MOCOS: variants seen among roughly 807,000 people sequenced by gnomAD.
The protein encoded by MOCOS is human molybdenum cofactor sulfurase.
MOCOS carries 86 observed loss-of-function variants against 83.6 expected under a neutral mutation model. The ratio of observed to expected loss-of-function variants is 1.03; its 90% CI spans 0.86 to 1.23. MOCOS has a LOEUF of 1.23. Ranked by LOEUF, MOCOS falls within the 50% of genes most tolerant of loss-of-function variation. MOCOS has a pLI of 0.00. For synonymous variants in MOCOS, 445 were observed against 434.7 expected (o/e 1.02, Z -0.29); for missense variants, 1,120 against 1,126.9 (o/e 0.99, Z 0.09).
At chr18:36,245,903 T>C (rs554884520) in intron 9 of MOCOS, among the ~76,000 whole-genome samples, 3 of 152,312 alleles carry the variant, frequency 2.0e-5, no homozygotes, top group African/African-American at 7.2e-5. Flanking sequence ...TCTTCTACTT[T>C]TTCAATACTA....
At chr18:36,194,187 G>T (rs2091377714) in intron 1 of MOCOS, among the ~76,000 whole-genome samples, 1 of 104,260 alleles carries the variant, frequency 9.6e-6, no homozygotes, top group Non-Finnish European at 1.9e-5. Context: ...TTTTGGGAAT[G>T]AATGAAAATA....
At position 36,257,033 on chromosome 18, in the gene MOCOS, A is replaced by C; in HGVS notation, c.2230A>C (p.Thr744Pro). Residue 744 changes from threonine to proline, a missense_variant, in exon 12 of 15, where the codon ACA (threonine) becomes CCA (proline). Thr to Pro is a conservative substitution (Grantham distance 38). Coordinates refer to ENST00000261326, the MANE Select transcript of MOCOS (RefSeq NM_017947.4). ...VNEAQYLLIN[T>P]SSILELHRQL... Reference sequence around the variant, plus strand: ...TGAGGCACAGTATCTGCTGATCAACACATCCAGTATTTTGGAACTTCACCG... The same window carrying C: ...TGAGGCACAGTATCTGCTGATCAACCCATCCAGTATTTTGGAACTTCACCG... The C allele has an allele frequency of 6.2e-7, 1 of 1,614,124 alleles. No homozygotes were observed. The highest frequency in any genetic ancestry group is 8.5e-7 in the Non-Finnish European group (1 of 1,179,990).
At chr18:36,234,042 C>T (rs1339140053) in intron 9 of MOCOS, among the ~76,000 whole-genome samples, 1 of 152,022 alleles carries the variant, frequency 6.6e-6, no homozygotes, top group African/African-American at 2.4e-5. Flanking sequence ...TAAATTAGGT[C>T]CCATCTATTT....
chr18:36,232,726 G>T (rs1184341243), intron 9 of MOCOS, among the ~76,000 whole-genome samples: 1 of 152,022 alleles, frequency 6.6e-6, no homozygotes, highest in African/African-American at 2.4e-5. Context: ...TCCCACATAT[G>T]AGTGAGAACA....
At chr18:36,202,316 C>T (rs1353063116) in intron 4 of MOCOS, among the ~76,000 whole-genome samples, 1 of 152,120 alleles carries the variant, frequency 6.6e-6, no homozygotes, top group East Asian at 1.9e-4. Flanking sequence ...CAATAACTGG[C>T]TAGTTTAACA....
chr18:36,200,391 A>G, intron 4 of MOCOS, 67 bp downstream of exon 4: 2 of 1,585,326 alleles, frequency 1.3e-6, no homozygotes, highest in South Asian at 1.1e-5. Flanking sequence ...TTTCTCCTGG[A>G]GGATTATGCA....
intron 9 of MOCOS, among the ~76,000 whole-genome samples, chr18:36,237,729 G>C (rs1178192246): frequency 0.016 from 2,425 of 151,082 alleles, 61 homozygotes; most frequent in African/African-American, 0.054. Flanking sequence ...CCTTGTACCT[G>C]TGGTAGAATT....
At chr18:36,257,293 T>C (rs1380653870) in intron 12 of MOCOS, among the ~76,000 whole-genome samples, 2 of 152,146 alleles carry the variant, frequency 1.3e-5, no homozygotes, top group Non-Finnish European at 2.9e-5. Flanking sequence ...AAGATCCTTT[T>C]TGATATCCTC....
At chr18:36,197,862 T>A (rs2091395767) in intron 2 of MOCOS, among the ~76,000 whole-genome samples, 1 of 152,230 alleles carries the variant, frequency 6.6e-6, no homozygotes, top group Non-Finnish European at 1.5e-5. Flanking sequence ...GTTAGATGTT[T>A]TCATTCCCCT....
intron 3 of MOCOS, among the ~76,000 whole-genome samples, chr18:36,199,413 A>G (rs1448619397): frequency 6.6e-6 from 1 of 152,234 alleles, no homozygotes; most frequent in African/African-American, 2.4e-5. Context: ...AAGGAGAGAA[A>G]GTAGTATCAA....
chr18:36,246,020 C>G (rs912467566), intron 9 of MOCOS, among the ~76,000 whole-genome samples: 1 of 152,026 alleles, frequency 6.6e-6, no homozygotes, highest in African/African-American at 2.4e-5. Flanking sequence ...GAGACTTTTT[C>G]ATCCATATCC....
chr18:36,199,765 G>T lies in MOCOS; in HGVS notation c.382G>T (p.Ala128Ser), dbSNP rs773843281. 1 of 1,614,182 alleles carries T rather than the reference G, an allele frequency of 6.2e-7. No individual in the cohort carries two copies. Among genetic ancestry groups the T allele is most frequent in the Admixed American group, 1.7e-5 (1 of 60,026 alleles). The change falls in exon 4 of 15, where the codon GCA becomes TCA. Residue 128 changes from alanine (A) to serine (S), a missense_variant. Transcript: ENST00000261326. ...AGSTAALKLV[A>S]EAFPWVSQGP... is the part of the protein sequence containing the mutation. ...GAGCACGGCTGCTCTCAAACTGGTG[G>T]CAGAGGCCTTTCCATGGGTGTCCCA... is the stretch of plus-strand genomic sequence containing the variant.
chr18:36,253,842 G>A (rs1311286034), intron 11 of MOCOS, among the ~76,000 whole-genome samples: 1 of 152,086 alleles, frequency 6.6e-6, no homozygotes, highest in South Asian at 2.1e-4. Context: ...CCACTGAGGA[G>A]TCAGTAGTCC....
At chr18:36,199,157 C>T (rs1488730460) in intron 3 of MOCOS, among the ~76,000 whole-genome samples, 1 of 151,914 alleles carries the variant, frequency 6.6e-6, no homozygotes, top group Non-Finnish European at 1.5e-5. Flanking sequence ...TTTCCCTTTT[C>T]CCCCCTTTTT....
At chr18:36,248,433 T>G (rs1258807980) in intron 9 of MOCOS, among the ~76,000 whole-genome samples, 1 of 152,226 alleles carries the variant, frequency 6.6e-6, no homozygotes, top group Non-Finnish European at 1.5e-5. Flanking sequence ...GTGCAGAAGC[T>G]TTTTAGTTTG....
Position 36,251,169 on chromosome 18 carries a change from T to C in MOCOS, c.2050T>C (p.Tyr684His), listed in dbSNP as rs1469920996. Residue 684 changes from tyrosine to histidine, a missense_variant, in exon 11 of 15, where the codon TAT becomes CAT. By Grantham distance (83) the Tyr-to-His change is moderately conservative. Coordinates refer to ENST00000261326, the MANE Select transcript of MOCOS (RefSeq NM_017947.4). ...TCTCTCTTTTGCCAGAGTAAGTACTTATGATTGTGGAGAAAAAATTTCAAG... is the reference window on the plus strand; with the variant it reads ...TCTCTCTTTTGCCAGAGTAAGTACTCATGATTGTGGAGAAAAAATTTCAAG... ...SRVCADRVST[Y>H]DCGEKISSWL... 1 of 1,613,132 alleles carries C rather than the reference T, an allele frequency of 6.2e-7. No homozygotes were observed. Among genetic ancestry groups the C allele is most frequent in the African/African-American group, 1.3e-5 (1 of 74,920 alleles).
rs750481954 is a variant in MOCOS at position 36,251,170 on chromosome 18, A to G, written c.2051A>G (p.Tyr684Cys). The change falls in exon 11 of 15, where the codon TAT becomes TGT. Residue 684 changes from tyrosine to cysteine, a missense_variant. Physicochemically the swap from Tyr to Cys is radical, Grantham distance 194. Transcript: ENST00000261326. ...CTCTCTTTTGCCAGAGTAAGTACTT[A>G]TGATTGTGGAGAAAAAATTTCAAGC... is the stretch of plus-strand genomic sequence containing the variant. ...SRVCADRVST[Y>C]DCGEKISSWL... 2 of 1,613,078 alleles carry G rather than the reference A, an allele frequency of 1.2e-6. No homozygotes were observed. Among genetic ancestry groups the G allele is most frequent in the Admixed American group, 1.7e-5 (1 of 59,994 alleles).
At chr18:36,223,496 T>C (rs2091504446) in intron 9 of MOCOS, among the ~76,000 whole-genome samples, 1 of 152,170 alleles carries the variant, frequency 6.6e-6, no homozygotes, top group African/African-American at 2.4e-5. Flanking sequence ...ACTATAGCTA[T>C]AGTGATATAT....
chr18:36,248,794 G>T (rs545143404), intron 9 of MOCOS, 128 bp from the exon 10 acceptor site: 2 of 756,798 alleles, frequency 2.6e-6, no homozygotes. Flanking sequence ...CTGTCACATT[G>T]GTCTATGTGT....
Sources: gnomAD v4.1 joint callset for allele counts (sites outside exome capture counted in the v4.1 genomes callset) on GRCh38, gnomAD v4.1.1 for gene constraint, MANE v1.5 for transcripts, NCBI Gene and HGNC (gene_info 2026-07-23, HGNC 2026-07-21) for gene names.